Variants in PLD1 observed in about 807,000 individuals in gnomAD.
The protein encoded by PLD1 is choline phosphatase 1.
A neutral mutation model predicts 137.1 loss-of-function variants in PLD1; 112 were observed. The ratio of observed to expected loss-of-function variants is 0.82; its 90% CI spans 0.70 to 0.96. The LOEUF (loss-of-function observed/expected upper bound fraction) is 0.96. PLD1 is among the 40% of genes least tolerant of loss of function. The probability of loss-of-function intolerance (pLI) is 0.00; values close to 1 mark genes in which losing one functional copy is unlikely to be tolerated. For missense variants in PLD1, 1,321 were observed against 1,342.0 expected (o/e 0.98, Z 0.24); for synonymous variants, 431 against 454.7 (o/e 0.95, Z 0.66).
At chr3:171,758,285 G>A (rs1721165991) in intron 1 of PLD1, among the ~76,000 whole-genome samples, 1 of 152,196 alleles carries the variant, frequency 6.6e-6, no homozygotes, top group Admixed American at 6.5e-5. Context: ...CAGCTGGTGG[G>A]TGGCAGAAAG....
In PLD1 at chr3:171,726,032, C is replaced by T. The variant is rs1410197334; in HGVS notation, c.651G>A (p.Leu217=). 6.2e-7 allele frequency: 1 copy of T among 1,611,596 alleles called. No individual in the cohort carries two copies. Among genetic ancestry groups the T allele is most frequent in the Admixed American group, 1.7e-5 (1 of 60,010 alleles). ...TTGCAACTTACATGCCCTTTGGTCC[C>T]AAATCATGGATGAAAGACAGCTGGC... ...DISQLSFIHD[L]GPKGIEGMIM... Residue 217 remains leucine, a synonymous_variant, in exon 7 of 27, where the codon TTG becomes TTA. Transcript: ENST00000351298.
At chr3:171,656,577 A>G in intron 21 of PLD1, among the ~76,000 whole-genome samples, 1 of 152,282 alleles carries the variant, frequency 6.6e-6, no homozygotes, top group East Asian at 1.9e-4. Flanking sequence ...TTGGAACAGT[A>G]TAAAATACCG....
chr3:171,710,481 C>T (rs939144550), intron 9 of PLD1, among the ~76,000 whole-genome samples: 18 of 152,178 alleles, frequency 1.2e-4, no homozygotes, highest in African/African-American at 4.3e-4. Flanking sequence ...AGCGCGCAGC[C>T]GAGATCCCGC....
chr3:171,631,450 T>C (rs1734654093), intron 23 of PLD1, among the ~76,000 whole-genome samples: 1 of 151,750 alleles, frequency 6.6e-6, no homozygotes, highest in African/African-American at 2.4e-5. Context: ...AGAGAGAGAA[T>C]AGGTTTGTGT....
At position 171,674,583 on chromosome 3, in the gene PLD1, A is replaced by T. The variant is rs764435107; in HGVS notation, c.2146T>A (p.Tyr716Asn). The change falls in exon 19 of 27, where the codon TAT (tyrosine) becomes AAT (asparagine). Residue 716 changes from tyrosine (Y) to asparagine (N), a missense_variant. Transcript: ENST00000351298. Reference sequence around the variant, plus strand: ...TGAGACTTTGGAAGCAGAAAAGGATAAGAAAGGGACCGATATTTTGATTTC... The same window carrying T: ...TGAGACTTTGGAAGCAGAAAAGGATTAGAAAGGGACCGATATTTTGATTTC... ...IMKSKYRSLS[Y>N]PFLLPKSQTT... is the part of the protein sequence containing the mutation. 1 of 1,601,016 alleles carries T rather than the reference A, an allele frequency of 6.2e-7. No homozygotes were observed. Among genetic ancestry groups the T allele is most frequent in the East Asian group, 2.2e-5 (1 of 44,792 alleles).
intron 6 of PLD1, among the ~76,000 whole-genome samples, chr3:171,730,485 C>A (rs575321779): frequency 3.3e-5 from 5 of 151,620 alleles, no homozygotes; most frequent in Admixed American, 2.6e-4. Context: ...GGTCTGAGCA[C>A]AAACCCAACC....
intron 23 of PLD1, among the ~76,000 whole-genome samples, chr3:171,624,124 A>G (rs971164444): frequency 2.6e-5 from 4 of 152,160 alleles, no homozygotes; most frequent in Non-Finnish European, 1.5e-5. Context: ...TATTTTCAGT[A>G]CATGTCACAG....
intron 21 of PLD1, among the ~76,000 whole-genome samples, chr3:171,652,240 C>T (rs764418141): frequency 6.6e-6 from 1 of 151,956 alleles, no homozygotes; most frequent in Non-Finnish European, 1.5e-5. Flanking sequence ...AGTGAAACCC[C>T]GTCTCTACTA....
At chr3:171,682,170 GAA>G (rs1560211634) in intron 16 of PLD1, among the ~76,000 whole-genome samples, 3 of 95,606 alleles carry the variant, frequency 3.1e-5, no homozygotes, top group African/African-American at 1.3e-4. Flanking sequence ...GAAAGAAAAA[GAA>G]AGAAAGAAAG....
intron 6 of PLD1, among the ~76,000 whole-genome samples, chr3:171,730,646 C>CTTTTTTTTTTTTT (rs35101789): frequency 5.2e-5 from 7 of 134,988 alleles, no homozygotes; most frequent in African/African-American, 1.4e-4. Context: ...TCTATCTCCA[C>CTTTTTTTTTTTTT]TTTTTTTTTT....
chr3:171,697,750 T>C (rs1715886305), intron 12 of PLD1, among the ~76,000 whole-genome samples: 1 of 152,204 alleles, frequency 6.6e-6, no homozygotes, highest in South Asian at 2.1e-4. Context: ...TCATGTTGTG[T>C]GGAGCTCCCC....
In PLD1 at chr3:171,674,624, G is replaced by T. The variant is rs1177424428; in HGVS notation, c.2116-11C>A. 1 of 1,344,782 alleles carries T rather than the reference G, an allele frequency of 7.4e-7. No individual in the cohort carries two copies. The highest frequency in any genetic ancestry group is 1.2e-5 in the South Asian group (1 of 82,738). The allele number at this position is 1,344,782 out of a possible 1,614,324, so 83.3% of individuals were successfully genotyped here. A position where few individuals can be genotyped will look rare whatever the true frequency, so the allele number is the denominator to read the frequency against. ...TTTTGATTTCATAATCTAAAATAAA[G>T]AAAAAGGATAAAATATTCAAATGAG... On this transcript the variant is annotated splice_polypyrimidine_tract_variant and intron_variant, in intron 18 of 26. Transcript: ENST00000351298.
At chr3:171,682,762 AG>A (rs1333715529) in intron 16 of PLD1, among the ~76,000 whole-genome samples, 1 of 152,292 alleles carries the variant, frequency 6.6e-6, no homozygotes, top group Admixed American at 6.5e-5. Context: ...TAGCTGTGGG[AG>A]GGTCCTGGGG....
At chr3:171,779,154 C>T (rs190491843) in intron 1 of PLD1, among the ~76,000 whole-genome samples, 1 of 152,244 alleles carries the variant, frequency 6.6e-6, no homozygotes, top group Admixed American at 6.5e-5. Context: ...GTGCTGAGAT[C>T]GTGCCACTGC....
chr3:171,638,078 G>T (rs755542246), intron 23 of PLD1, among the ~76,000 whole-genome samples: 1 of 151,758 alleles, frequency 6.6e-6, no homozygotes, highest in East Asian at 1.9e-4. Context: ...CCAGCTACTC[G>T]GGAGGCTGAG....
chr3:171,666,507 G>C (rs1399923316), intron 19 of PLD1, among the ~76,000 whole-genome samples: 4 of 152,234 alleles, frequency 2.6e-5, no homozygotes. Context: ...GGTGAGATTT[G>C]TGTGGAAACA....
chr3:171,764,942 GAA>G (rs1560289420), intron 1 of PLD1, among the ~76,000 whole-genome samples: 1 of 15,370 alleles, frequency 6.5e-5, no homozygotes, highest in African/African-American at 2.7e-4. Context: ...AGGAAAGAAA[GAA>G]AGAAAGAAAG....
intron 1 of PLD1, among the ~76,000 whole-genome samples, chr3:171,741,256 A>C (rs1170816294): frequency 6.6e-6 from 1 of 152,208 alleles, no homozygotes; most frequent in Non-Finnish European, 1.5e-5. Context: ...TAAAGACTTT[A>C]CTATTTAATA....
intron 1 of PLD1, among the ~76,000 whole-genome samples, chr3:171,763,830 C>CTTTTTT (rs71178234): frequency 2.0e-4 from 17 of 86,686 alleles, no homozygotes; most frequent in African/African-American, 2.2e-4. Flanking sequence ...TTCTTTCTTT[C>CTTTTTT]TTTTTTTTTT....
Sources: gnomAD v4.1 joint callset for allele counts (sites outside exome capture counted in the v4.1 genomes callset) on GRCh38, gnomAD v4.1.1 for gene constraint, MANE v1.5 for transcripts, NCBI Gene and HGNC (gene_info 2026-07-23, HGNC 2026-07-21) for gene names.